ROR1: variants seen among roughly 807,000 people sequenced by gnomAD.
ROR1 encodes the protein ROR family WNT receptor 1.
Under a neutral mutation model 78.8 loss-of-function variants are expected in ROR1, and 19 were observed. The observed-to-expected ratio is 0.24, with a 90% CI of 0.17 to 0.35. ROR1 has a LOEUF of 0.35. Ranked by LOEUF, ROR1 falls within the 10% of genes least tolerant of loss-of-function variation. ROR1 has a pLI of 1.00. For synonymous variants in ROR1, 386 were observed against 433.6 expected (o/e 0.89, Z 1.36); for missense variants, 917 against 1,177.8 (o/e 0.78, Z 3.24).
At chr1:64,120,033 G>A (rs1186229858) in intron 4 of ROR1, among the ~76,000 whole-genome samples, 2 of 152,192 alleles carry the variant, frequency 1.3e-5, no homozygotes, top group African/African-American at 2.4e-5. Context: ...TCAGGAAATG[G>A]TGTGTTATTT....
At chr1:64,036,095 C>T (rs1156793557) in intron 2 of ROR1, among the ~76,000 whole-genome samples, 1 of 152,162 alleles carries the variant, frequency 6.6e-6, no homozygotes, top group South Asian at 2.1e-4. Context: ...GATCTCCTAG[C>T]CTTATCCTCA....
chr1:63,843,980 C>T (rs1287791451), intron 1 of ROR1, among the ~76,000 whole-genome samples: 1 of 152,210 alleles, frequency 6.6e-6, no homozygotes, highest in African/African-American at 2.4e-5. Flanking sequence ...GGCCCAAGCT[C>T]CTTAGCATGA....
rs527356549 is a variant in ROR1, at chr1:63,927,422, T to C, written c.92-81883T>C. On this transcript the variant is annotated intron_variant, in intron 1 of 8. Coordinates refer to ENST00000371079, the MANE Select transcript of ROR1 (RefSeq NM_005012.4). Reference sequence around the variant, plus strand: ...CTGGATTTGTTTTGCCAGTATTTTATTGAGGATTTTTGCATCAATGTTCAT... The same window carrying C: ...CTGGATTTGTTTTGCCAGTATTTTACTGAGGATTTTTGCATCAATGTTCAT... 2.2e-3 allele frequency among the ~76,000 whole-genome samples: 326 copies of C among 147,936 alleles called. 2 individuals are homozygous for C. Among genetic ancestry groups the C allele is most frequent in the African/African-American group, 7.8e-3 (315 of 40,164 alleles).
intron 8 of ROR1, among the ~76,000 whole-genome samples, chr1:64,162,087 A>T (rs1318695468): frequency 1.3e-5 from 2 of 152,244 alleles, no homozygotes; most frequent in Non-Finnish European, 2.9e-5. Context: ...ACACTCCACC[A>T]GAGCAAAATC....
intron 4 of ROR1, among the ~76,000 whole-genome samples, chr1:64,089,143 CTATTT>C (rs1647175913): frequency 1.3e-5 from 2 of 151,888 alleles, no homozygotes; most frequent in Admixed American, 1.3e-4. Flanking sequence ...CTTCAGAATG[CTATTT>C]TATTTTCTCA....
intron 1 of ROR1, among the ~76,000 whole-genome samples, chr1:63,782,760 C>T (rs186367163): frequency 2.0e-5 from 3 of 152,248 alleles, no homozygotes; most frequent in African/African-American, 7.2e-5. Context: ...TTATGGCACA[C>T]ATAGGGTGCC....
intron 1 of ROR1, among the ~76,000 whole-genome samples, chr1:63,959,124 G>C (rs1322869148): frequency 6.6e-6 from 1 of 152,106 alleles, no homozygotes; most frequent in Admixed American, 6.5e-5. Flanking sequence ...TGACTGAAGG[G>C]GAAGCAAACA....
intron 2 of ROR1, among the ~76,000 whole-genome samples, chr1:64,031,498 C>CA (rs1646659410): frequency 6.6e-6 from 1 of 152,182 alleles, no homozygotes; most frequent in Non-Finnish European, 1.5e-5. Context: ...ATGTCTCCCC[C>CA]AAAAGAATTT....
chr1:63,905,500 A>C (rs965041430), intron 1 of ROR1, among the ~76,000 whole-genome samples: 8 of 152,222 alleles, frequency 5.3e-5, no homozygotes, highest in African/African-American at 1.9e-4. Context: ...TTTCTAATGC[A>C]GATGGTAATG....
At chr1:63,897,718 A>C (rs1376074544) in intron 1 of ROR1, among the ~76,000 whole-genome samples, 18 of 152,230 alleles carry the variant, frequency 1.2e-4, no homozygotes, top group Admixed American at 1.2e-3. Flanking sequence ...TGCTACATAG[A>C]AGTGCTTAAT....
At chr1:64,157,304 A>AT (rs1346960478) in intron 7 of ROR1, among the ~76,000 whole-genome samples, 1 of 151,922 alleles carries the variant, frequency 6.6e-6, no homozygotes, top group Non-Finnish European at 1.5e-5. Flanking sequence ...TGCCTGGCTA[A>AT]TTTTTTTAAT....
intron 4 of ROR1, among the ~76,000 whole-genome samples, chr1:64,070,376 T>G (rs1001965345): frequency 1.3e-5 from 2 of 152,216 alleles, no homozygotes; most frequent in Non-Finnish European, 2.9e-5. Context: ...TCACCTAGGC[T>G]GGAGTGCAGT....
Position 64,084,397 on chromosome 1 carries a change from G to GA in ROR1, c.482+33687dup, listed in dbSNP as rs541763296. Among the ~76,000 whole-genome samples the GA allele has an allele frequency of 8.5e-4, 130 of 152,284 alleles. 2 individuals carry two copies. The South Asian group carries it at 0.02, about 23-fold the overall frequency. ...GAAACTTTATTATTGATATTCTACA[G>GA]AAAAAATCACGATTACTGCAAGTCT... On this transcript the variant is annotated intron_variant, in intron 4 of 8. Transcript: ENST00000371079.
At chr1:64,059,505 T>G (rs1485310796) in intron 4 of ROR1, among the ~76,000 whole-genome samples, 1 of 152,116 alleles carries the variant, frequency 6.6e-6, no homozygotes, top group Non-Finnish European at 1.5e-5. Context: ...AGTCAGGAGT[T>G]CGAGGCCAGC....
In ROR1 at chr1:63,800,340, T is replaced by G. The variant is rs145440935; in HGVS notation, c.91+25832T>G. Reference sequence around the variant, plus strand: ...ATGGCATATTTTCAGGAGTATGTTTTGTACTTTTAATTTGAGATTAAAAGC... The same window carrying G: ...ATGGCATATTTTCAGGAGTATGTTTGGTACTTTTAATTTGAGATTAAAAGC... On this transcript the variant is annotated intron_variant, in intron 1 of 8. Transcript: ENST00000371079. Among the ~76,000 whole-genome samples, 529 of 152,356 alleles carry G rather than the reference T, an allele frequency of 3.5e-3. 4 individuals are homozygous for G. The highest frequency in any genetic ancestry group is 0.012 in the African/African-American group (512 of 41,586).
intron 1 of ROR1, among the ~76,000 whole-genome samples, chr1:63,823,716 G>A (rs987808177): frequency 1.7e-4 from 26 of 151,506 alleles, no homozygotes; most frequent in Non-Finnish European, 2.8e-4. Flanking sequence ...GCCTCCCAAA[G>A]TGTTGGAATT....
rs749661972 is a variant in ROR1 at position 64,049,795 on chromosome 1, C to A, written c.268C>A (p.Arg90Ser). 3 of 1,614,092 alleles carry A rather than the reference C, an allele frequency of 1.9e-6. No individual in the cohort carries two copies. In the African/African-American group the frequency reaches 4.0e-5, roughly 22 times the overall value. Reference sequence around the variant, plus strand: ...CTCTGGGAATCCACCTCCCACCATCCGCTGGTTCAAAAATGATGCTCCTGT... The same window carrying A: ...CTCTGGGAATCCACCTCCCACCATCAGCTGGTTCAAAAATGATGCTCCTGT... The part of the protein sequence containing the change: ...KVSGNPPPTI[R>S]WFKNDAPVVQ... The change falls in exon 3 of 9, where the codon CGC (arginine) becomes AGC (serine). Residue 90 changes from arginine (R) to serine (S), a missense_variant. By Grantham distance (110) the Arg-to-Ser change is moderately radical. Transcript: ENST00000371079.
chr1:63,963,561 T>A (rs1646049694), intron 1 of ROR1, among the ~76,000 whole-genome samples: 1 of 147,522 alleles, frequency 6.8e-6, no homozygotes, highest in Admixed American at 6.8e-5. Context: ...AGAGCAAGAC[T>A]CTGTCTCAAA....
rs999932275 is a variant in ROR1, at chr1:63,904,040, A to G, written c.92-105265A>G. Among the ~76,000 whole-genome samples, 27 of 152,250 alleles carry G rather than the reference A, an allele frequency of 1.8e-4. 1 individual carries two copies. Among genetic ancestry groups the G allele is most frequent in the Admixed American group, 1.0e-3 (16 of 15,288 alleles). On this transcript the variant is annotated intron_variant, in intron 1 of 8. Coordinates refer to ENST00000371079, the MANE Select transcript of ROR1 (RefSeq NM_005012.4). ...AGGAAAGGGAAGGATTTTTCTAGAC[A>G]TTGATAGAAGAGGAGAACAGTCAGG...
Sources: allele counts gnomAD v4.1 joint callset (sites outside exome capture counted in the v4.1 genomes callset), GRCh38; gene constraint gnomAD v4.1.1; transcripts MANE v1.5; gene names NCBI Gene and HGNC (gene_info 2026-07-23, HGNC 2026-07-21).